ASXL3: variants seen among roughly 807,000 people sequenced by gnomAD.
ASXL3 encodes the protein ASXL transcriptional regulator 3.
ASXL3 carries 34 observed loss-of-function variants against 170.6 expected under a neutral mutation model. The observed-to-expected ratio is 0.20, with a 90% confidence interval of 0.15 to 0.27. The LOEUF is 0.27. Among genes scored for constraint, ASXL3 ranks in the 10% least tolerant of loss-of-function variants. The pLI, the probability that ASXL3 is intolerant of heterozygous loss-of-function variation, is 1.00. For missense variants in ASXL3, 2,592 were observed against 2,695.3 expected (o/e 0.96, Z 0.85); for synonymous variants, 1,002 against 989.1 (o/e 1.01, Z -0.24).
chr18:33,630,311 T>C (rs1416754381), intron 2 of ASXL3, among the ~76,000 whole-genome samples: 3 of 152,018 alleles, frequency 2.0e-5, no homozygotes, highest in African/African-American at 7.2e-5. Flanking sequence ...TTTACATATA[T>C]ATATTTCACA....
chr18:33,635,968 AT>A (rs1184262761), intron 2 of ASXL3, among the ~76,000 whole-genome samples: 1 of 152,248 alleles, frequency 6.6e-6, no homozygotes, highest in African/African-American at 2.4e-5. Flanking sequence ...CTCCTGTGGA[AT>A]TTCCAAACTT....
At chr18:33,641,329 C>G (rs2065843158) in intron 2 of ASXL3, among the ~76,000 whole-genome samples, 1 of 151,970 alleles carries the variant, frequency 6.6e-6, no homozygotes, top group East Asian at 1.9e-4. Context: ...CAGATTCCAC[C>G]CCGTTCTGCT....
At chr18:33,654,656 C>T (rs16964832) in intron 4 of ASXL3, among the ~76,000 whole-genome samples, 57 of 151,888 alleles carry the variant, frequency 3.8e-4, no homozygotes, top group Non-Finnish European at 7.5e-4. Context: ...TTTCAGGAAC[C>T]TGATGCAGTG....
chr18:33,730,936 C>A (rs998973089), intron 8 of ASXL3, among the ~76,000 whole-genome samples: 1 of 152,120 alleles, frequency 6.6e-6, no homozygotes, highest in South Asian at 2.1e-4. Context: ...TAAATGAAGA[C>A]CCTCATGATC....
chr18:33,739,954 T>G lies in ASXL3; in HGVS notation c.2550T>G (p.Ala850=). 1 of 1,613,946 alleles carries G rather than the reference T, an allele frequency of 6.2e-7. No individual in the cohort carries two copies. The highest frequency in any genetic ancestry group is 8.5e-7 in the Non-Finnish European group (1 of 1,179,876). Residue 850 remains alanine (A), a synonymous_variant, in exon 11 of 12, where the codon GCT becomes GCG. Transcript: ENST00000269197. Reference sequence around the variant, plus strand: ...TTGACACTGAGAAGCCCTACCCTGCTTCAATTCCAGAACTTGCTTCTACTG... The same window carrying G: ...TTGACACTGAGAAGCCCTACCCTGCGTCAATTCCAGAACTTGCTTCTACTG... ...SHVDTEKPYP[A]SIPELASTEM...
At chr18:33,705,646 C>T (rs557515800) in intron 8 of ASXL3, among the ~76,000 whole-genome samples, 1 of 151,966 alleles carries the variant, frequency 6.6e-6, no homozygotes, top group South Asian at 2.1e-4. Context: ...TGTTCCTCAA[C>T]TACTGTATTT....
rs182506820 is a variant in ASXL3 at position 33,702,872 on chromosome 18, A to T, written c.879+19304A>T. Among the ~76,000 whole-genome samples the T allele has an allele frequency of 7.2e-5, 11 of 152,302 alleles. No individual in the cohort carries two copies. In the East Asian group the frequency reaches 1.5e-3, roughly 21 times the overall value. Reference sequence around the variant, plus strand: ...GGGATAAAATTATTAGGGAGATAATAATCACTGCTCAAGATTTTATAATCT... The same window carrying T: ...GGGATAAAATTATTAGGGAGATAATTATCACTGCTCAAGATTTTATAATCT... On this transcript the variant is annotated intron_variant, in intron 8 of 11. Transcript: ENST00000269197.
At chr18:33,714,638 G>A (rs772927453) in intron 8 of ASXL3, among the ~76,000 whole-genome samples, 5 of 151,854 alleles carry the variant, frequency 3.3e-5, no homozygotes, top group Non-Finnish European at 5.9e-5. Context: ...TTCTGTCCAC[G>A]TTTTCCCCAA....
intron 8 of ASXL3, among the ~76,000 whole-genome samples, chr18:33,726,606 A>G (rs2067355475): frequency 6.6e-6 from 1 of 152,242 alleles, no homozygotes; most frequent in South Asian, 2.1e-4. Context: ...AAGAAAATGC[A>G]TTATTGAAAT....
chr18:33,696,306 C>T (rs1350792945), intron 8 of ASXL3, among the ~76,000 whole-genome samples: 1 of 152,112 alleles, frequency 6.6e-6, no homozygotes, highest in Admixed American at 6.6e-5. Context: ...CAATTCTAAG[C>T]AGGAAATCAA....
chr18:33,668,852 C>T (rs957446664), intron 5 of ASXL3, among the ~76,000 whole-genome samples: 1 of 151,954 alleles, frequency 6.6e-6, no homozygotes, highest in African/African-American at 2.4e-5. Flanking sequence ...CTAATTAGTT[C>T]ATCTTTTTTT....
At chr18:33,657,316 A>G (rs1335810938) in intron 4 of ASXL3, among the ~76,000 whole-genome samples, 1 of 152,108 alleles carries the variant, frequency 6.6e-6, no homozygotes, top group Non-Finnish European at 1.5e-5. Flanking sequence ...AAGAGTCTCC[A>G]GATTGGCTGG....
chr18:33,692,845 A>G (rs949635010), intron 8 of ASXL3, among the ~76,000 whole-genome samples: 3 of 152,208 alleles, frequency 2.0e-5, no homozygotes, highest in Admixed American at 1.3e-4. Context: ...ATGGAAAAGA[A>G]CTTTGCATTA....
At chr18:33,703,099 C>T (rs1277193714) in intron 8 of ASXL3, among the ~76,000 whole-genome samples, 1 of 152,086 alleles carries the variant, frequency 6.6e-6, no homozygotes. Flanking sequence ...CCCTGGTTCT[C>T]TCTGGTACAT....
At chr18:33,669,871 G>A (rs377654531) in intron 5 of ASXL3, among the ~76,000 whole-genome samples, 1 of 152,030 alleles carries the variant, frequency 6.6e-6, no homozygotes, top group Non-Finnish European at 1.5e-5. Flanking sequence ...TTTATTACAG[G>A]TAATTTTCTG....
intron 2 of ASXL3, among the ~76,000 whole-genome samples, chr18:33,637,367 T>C (rs2065783425): frequency 3.3e-5 from 5 of 152,118 alleles, no homozygotes; most frequent in Admixed American, 3.3e-4. Flanking sequence ...ACTTCAATAA[T>C]ATATATTAAT....
intron 1 of ASXL3, among the ~76,000 whole-genome samples, chr18:33,588,017 CTT>C (rs2065048204): frequency 6.6e-6 from 1 of 151,704 alleles, no homozygotes; most frequent in Non-Finnish European, 1.5e-5. Context: ...AATAGTCTGT[CTT>C]AATGTTTATG....
intron 2 of ASXL3, chr18:33,609,096 C>T: frequency 1.0e-6 from 1 of 979,442 alleles, no homozygotes; most frequent in Non-Finnish European, 1.2e-6. Context: ...CAGTACCTAA[C>T]AATTCTGTTA....
chr18:33,713,281 G>C (rs1415550951), intron 8 of ASXL3, among the ~76,000 whole-genome samples: 1 of 94,200 alleles, frequency 1.1e-5, no homozygotes, highest in Non-Finnish European at 1.9e-5. Flanking sequence ...TTTTGAGACA[G>C]GGTCTTACCG....
Sources: allele counts gnomAD v4.1 joint callset (sites outside exome capture counted in the v4.1 genomes callset), GRCh38; gene constraint gnomAD v4.1.1; transcripts MANE v1.5; gene names NCBI Gene and HGNC (gene_info 2026-07-23, HGNC 2026-07-21).